Variants in TBC1D22A observed in about 807,000 individuals in gnomAD.
TBC1D22A encodes TBC1 domain family member 22A.
In TBC1D22A, 38 loss-of-function variants were observed where a neutral mutation model predicts 60.2. That is an observed-to-expected ratio of 0.63 (90% CI 0.49 to 0.83). The LOEUF is 0.83. TBC1D22A is among the 40% of genes least tolerant of loss of function. TBC1D22A has a pLI of 0.00. For missense variants in TBC1D22A, 628 were observed against 701.0 expected, an observed-to-expected ratio of 0.90 and a Z score of 1.18; for synonymous variants, 302 against 281.7, an observed-to-expected ratio of 1.07 and a Z score of -0.72.
intron 11 of TBC1D22A, among the ~76,000 whole-genome samples, chr22:47,059,812 A>G (rs1448473150): frequency 6.6e-6 from 1 of 152,088 alleles, no homozygotes; most frequent in African/African-American, 2.4e-5. Context: ...GGATCTTATG[A>G]TTATTACTAA....
intron 8 of TBC1D22A, among the ~76,000 whole-genome samples, chr22:46,953,997 A>G (rs973035164): frequency 6.6e-6 from 1 of 152,232 alleles, no homozygotes; most frequent in Non-Finnish European, 1.5e-5. Flanking sequence ...TGATGGTCTG[A>G]TGCCAGAGAC....
At chr22:47,001,937 C>T (rs534059425) in intron 10 of TBC1D22A, among the ~76,000 whole-genome samples, 1 of 152,260 alleles carries the variant, frequency 6.6e-6, no homozygotes, top group East Asian at 1.9e-4. Flanking sequence ...TATTATCCTG[C>T]CTTGTGTTAC....
At chr22:47,048,244 C>T (rs1026825097) in intron 11 of TBC1D22A, among the ~76,000 whole-genome samples, 10 of 152,094 alleles carry the variant, frequency 6.6e-5, no homozygotes, top group Non-Finnish European at 1.0e-4. Flanking sequence ...TTTCACAGTG[C>T]GGTAAGGCTC....
rs537562732 is a variant in TBC1D22A at position 46,925,716 on chromosome 22, G to A, written c.1015+13528G>A. Among the ~76,000 whole-genome samples the A allele has an allele frequency of 1.8e-4, 28 of 152,190 alleles. No individual in the cohort carries two copies. In the South Asian group the frequency reaches 3.7e-3, roughly 20 times the overall value. On this transcript the variant is annotated intron_variant, in intron 8 of 12. Coordinates refer to ENST00000337137, the MANE Select transcript of TBC1D22A (RefSeq NM_014346.5). ...GTCATTCAACAGTTTTAAAAAATAC[G>A]TGTTTTAAAAGTAGCAACATACTAC...
intron 7 of TBC1D22A, among the ~76,000 whole-genome samples, chr22:46,897,640 G>GTTTTTTTTTT (rs1210846664): frequency 4.6e-5 from 5 of 108,404 alleles, no homozygotes; most frequent in Admixed American, 9.6e-5. Context: ...GTTTCGTTTT[G>GTTTTTTTTTT]TTTTTTTTTG....
intron 8 of TBC1D22A, among the ~76,000 whole-genome samples, chr22:46,971,082 C>A (rs745421280): frequency 1.3e-5 from 2 of 152,174 alleles, no homozygotes; most frequent in African/African-American, 2.4e-5. Context: ...ATTCTCCTGG[C>A]GTTTAGAAGA....
intron 12 of TBC1D22A, among the ~76,000 whole-genome samples, chr22:47,163,751 G>A (rs962455638): frequency 1.2e-4 from 18 of 152,184 alleles, no homozygotes; most frequent in East Asian, 5.8e-4. Flanking sequence ...GCATGCAGCC[G>A]GGGCTCATGG....
chr22:46,852,792 C>T (rs1219630679), intron 4 of TBC1D22A, among the ~76,000 whole-genome samples: 2 of 152,216 alleles, frequency 1.3e-5, no homozygotes, highest in Non-Finnish European at 2.9e-5. Context: ...TGTTTCCTGG[C>T]TGCATCGCGA....
Position 46,945,884 on chromosome 22 carries a change from T to C in TBC1D22A, c.1016-28406T>C, listed in dbSNP as rs111519824. 8.0e-3 allele frequency among the ~76,000 whole-genome samples: 1,224 copies of C among 152,342 alleles called. 11 individuals carry two copies. Among genetic ancestry groups the C allele is most frequent in the Middle Eastern group, 0.027 (8 of 294 alleles). On this transcript the variant is annotated intron_variant, in intron 8 of 12. Coordinates refer to ENST00000337137, the MANE Select transcript of TBC1D22A (RefSeq NM_014346.5). Reference sequence around the variant, plus strand: ...TGGCAGTGAGCTTCATCCTGCTGACTAGTATTTTGTACCCTTTTCTTTAGA... The same window carrying C: ...TGGCAGTGAGCTTCATCCTGCTGACCAGTATTTTGTACCCTTTTCTTTAGA...
At position 47,028,572 on chromosome 22, in the gene TBC1D22A, C is replaced by T. The variant is rs2062343322; in HGVS notation, c.1202-8499C>T. 6.6e-6 allele frequency among the ~76,000 whole-genome samples: 1 copy of T among 151,996 alleles called. No homozygotes were observed. Among genetic ancestry groups the T allele is most frequent in the African/African-American group, 2.4e-5 (1 of 41,370 alleles). ...CGCGTTCCTGTCCCTCGGTCCCTGT[C>T]CCCCACGGCCCAGGAATGAATCTGG... On this transcript the variant is annotated intron_variant, in intron 10 of 12. Transcript: ENST00000337137. The surrounding 1 kb of genome is among the most constrained non-coding windows in gnomAD (Gnocchi z 4.4).
chr22:47,099,366 A>G (rs1465888070), intron 11 of TBC1D22A, among the ~76,000 whole-genome samples: 1 of 151,790 alleles, frequency 6.6e-6, no homozygotes, highest in East Asian at 1.9e-4. Flanking sequence ...GGCGGTCAAG[A>G]ATGGTTTGGC....
At chr22:47,139,442 G>A (rs1297675972) in intron 12 of TBC1D22A, among the ~76,000 whole-genome samples, 1 of 152,224 alleles carries the variant, frequency 6.6e-6, no homozygotes, top group Admixed American at 6.5e-5. Context: ...GGTAGGCCCG[G>A]GGTCTGCATT....
intron 10 of TBC1D22A, among the ~76,000 whole-genome samples, chr22:47,007,717 G>A: frequency 6.6e-6 from 1 of 152,090 alleles, no homozygotes. Flanking sequence ...AGGGGTGGCA[G>A]TGGGAGAGAG....
At chr22:47,001,859 T>C (rs1164269798) in intron 10 of TBC1D22A, among the ~76,000 whole-genome samples, 1 of 152,230 alleles carries the variant, frequency 6.6e-6, no homozygotes, top group East Asian at 1.9e-4. Context: ...TTTATTTTGT[T>C]TTATGTTAGA....
chr22:47,164,855 C>G (rs1452663618), intron 12 of TBC1D22A, among the ~76,000 whole-genome samples: 1 of 152,224 alleles, frequency 6.6e-6, no homozygotes, highest in Non-Finnish European at 1.5e-5. Context: ...AATATGGATT[C>G]AGACCCTGCA....
chr22:46,941,424 C>CACGGAATATATATACACGGAATATATAT (rs1569248025), intron 8 of TBC1D22A, among the ~76,000 whole-genome samples: 1 of 59,266 alleles, frequency 1.7e-5, no homozygotes. Flanking sequence ...ACGGAATATA[C>CACGGAATATATATACACGGAATATATAT]ACGGAATATA....
At chr22:46,795,647 T>C (rs904249315) in intron 3 of TBC1D22A, among the ~76,000 whole-genome samples, 7 of 152,236 alleles carry the variant, frequency 4.6e-5, no homozygotes, top group Non-Finnish European at 7.3e-5. Flanking sequence ...TACTTCAGTA[T>C]AGTGACAATG....
intron 9 of TBC1D22A, among the ~76,000 whole-genome samples, chr22:46,987,103 A>G (rs1253427991): frequency 6.6e-6 from 1 of 152,196 alleles, no homozygotes; most frequent in African/African-American, 2.4e-5. Flanking sequence ...CTCTGTCCTC[A>G]AACAAGGTGG....
intron 12 of TBC1D22A, among the ~76,000 whole-genome samples, chr22:47,118,918 G>A (rs977570465): frequency 3.3e-5 from 5 of 152,186 alleles, no homozygotes; most frequent in Admixed American, 2.6e-4. Context: ...TTGGAAGGCC[G>A]AGGCGCGTGA....
Sources: gnomAD v4.1 joint callset for allele counts (sites outside exome capture counted in the v4.1 genomes callset) on GRCh38, gnomAD v4.1.1 for gene constraint, Gnocchi (gnomAD v3.1) non-coding constraint, MANE v1.5 for transcripts, NCBI Gene and HGNC (gene_info 2026-07-23, HGNC 2026-07-21) for gene names.